Variants in COL6A6 observed in about 807,000 individuals in gnomAD.
COL6A6 encodes the protein collagen type VI alpha 6 chain, also known as collagen alpha-6(VI) chain.
In COL6A6, 183 loss-of-function variants were observed where a neutral mutation model predicts 208.6. That is an observed-to-expected ratio of 0.88 (90% CI 0.78 to 0.99). The LOEUF is 0.99. COL6A6 is among the 50% of genes least tolerant of loss of function. The probability of loss-of-function intolerance (pLI) is 0.00; values close to 1 mark genes in which losing one functional copy is unlikely to be tolerated. For missense variants in COL6A6, 2,816 were observed against 2,815.2 expected (o/e 1.00, Z -0.01); for synonymous variants, 973 against 1,011.8 (o/e 0.96, Z 0.73).
intron 8 of COL6A6, among the ~76,000 whole-genome samples, chr3:130,576,480 G>T (rs1447577253): frequency 1.3e-5 from 2 of 152,066 alleles, no homozygotes; most frequent in Admixed American, 1.3e-4. Flanking sequence ...GATTACCTCG[G>T]CCAAACCTTC....
At chr3:130,584,368 C>A (rs893998014) in intron 10 of COL6A6, among the ~76,000 whole-genome samples, 2 of 151,998 alleles carry the variant, frequency 1.3e-5, no homozygotes, top group Non-Finnish European at 2.9e-5. Context: ...CATTAGCATG[C>A]CTTCTCTTGA....
At chr3:130,527,673 G>T (rs569976898) in intron 1 of COL6A6, among the ~76,000 whole-genome samples, 1 of 152,194 alleles carries the variant, frequency 6.6e-6, no homozygotes, top group South Asian at 2.1e-4. Context: ...TTAATGAACA[G>T]CTGGTAAAAT....
chr3:130,668,665 A>T (rs1265173928), intron 36 of COL6A6, among the ~76,000 whole-genome samples: 1 of 152,156 alleles, frequency 6.6e-6, no homozygotes, highest in Non-Finnish European at 1.5e-5. Context: ...AAAGAGGATG[A>T]CTACATGATG....
intron 1 of COL6A6, among the ~76,000 whole-genome samples, chr3:130,547,811 T>A (rs890402170): frequency 6.6e-6 from 1 of 152,264 alleles, no homozygotes; most frequent in Non-Finnish European, 1.5e-5. Context: ...TATTTATTTA[T>A]TTTTGAGAGG....
At chr3:130,617,634 G>GCATC (rs1409284337) in intron 23 of COL6A6, among the ~76,000 whole-genome samples, 1 of 152,088 alleles carries the variant, frequency 6.6e-6, no homozygotes, top group Non-Finnish European at 1.5e-5. Flanking sequence ...ACCATTTGAT[G>GCATC]GCCTCTTGAT....
chr3:130,519,679 A>G (rs1365956572), intron 1 of COL6A6, among the ~76,000 whole-genome samples: 1 of 152,214 alleles, frequency 6.6e-6, no homozygotes, highest in East Asian at 1.9e-4. Flanking sequence ...GTCACCTGTC[A>G]CATAGGGCAG....
rs1218815808 is a variant in COL6A6 at position 130,654,257 on chromosome 3, T to C, written c.5734-4419T>C. On this transcript the variant is annotated intron_variant, in intron 33 of 36. Transcript: ENST00000358511. ...CTCATCTTTAAATGGTTGCAATAGA[T>C]GACATCATTCCTGATTTCTTCTAGA... 2.6e-5 allele frequency among the ~76,000 whole-genome samples: 4 copies of C among 152,192 alleles called. No individual in the cohort carries two copies. In the East Asian group the frequency reaches 5.8e-4, roughly 22 times the overall value.
chr3:130,531,015 TACACACACAC>T (rs58738761), intron 1 of COL6A6, among the ~76,000 whole-genome samples: 30 of 143,866 alleles, frequency 2.1e-4, no homozygotes, highest in African/African-American at 3.7e-4. Flanking sequence ...CCCCCTCCTC[TACACACACAC>T]ACACACACAC....
At chr3:130,558,017 C>G (rs1275049773) in intron 1 of COL6A6, among the ~76,000 whole-genome samples, 1 of 152,110 alleles carries the variant, frequency 6.6e-6, no homozygotes, top group Non-Finnish European at 1.5e-5. Context: ...GAGACATGTA[C>G]CTTTGAGAGT....
rs759620011 is a variant in COL6A6 at position 130,568,563 on chromosome 3, T to C, written c.2360T>C (p.Ile787Thr). The C allele has an allele frequency of 1.2e-6, 2 of 1,606,536 alleles. No homozygotes were observed. The highest frequency in any genetic ancestry group is 1.7e-4 in the Middle Eastern group (1 of 6,058). ...GAGAATTTTGACATTCTGCAGCGCA[T>C]TGAAGATGATCTTGTTTTTGGAATA... ...YVENFDILQR[I>T]EDDLVFGICS... Residue 787 changes from isoleucine to threonine, a missense_variant, in exon 6 of 37, where the codon ATT (isoleucine) becomes ACT (threonine). Transcript: ENST00000358511.
intron 11 of COL6A6, among the ~76,000 whole-genome samples, chr3:130,588,547 G>A (rs369792661): frequency 3.1e-4 from 47 of 152,280 alleles, no homozygotes; most frequent in African/African-American, 9.6e-4. Flanking sequence ...AATATTGCAC[G>A]TGTAAGTTGT....
rs755131455 is a variant in COL6A6, at chr3:130,581,089, A to G, written c.3548-472A>G. ...CTTTTTAGAAATATAAATCATCAAA[A>G]CCATTCCTTAGATGAGTCCTTTGTG... is the stretch of plus-strand genomic sequence containing the variant. On this transcript the variant is annotated intron_variant, in intron 8 of 36. Transcript: ENST00000358511. Among the ~76,000 whole-genome samples the G allele has an allele frequency of 2.0e-4, 30 of 151,932 alleles. 1 individual carries two copies.
In COL6A6 at chr3:130,563,141, G is replaced by GA; in HGVS notation, c.142dup (p.Met48AsnfsTer26). 6.2e-7 allele frequency: 1 copy of GA among 1,613,984 alleles called. No homozygotes were observed. Among genetic ancestry groups the GA allele is most frequent in the Non-Finnish European group, 8.5e-7 (1 of 1,179,884 alleles). Reference sequence around the variant, plus strand: ...TGGGATCCAAGTCCTTCCCATTTGTGAAAATGTTCATCACCAAAATGATCA... The same window carrying GA: ...TGGGATCCAAGTCCTTCCCATTTGTGAAAAATGTTCATCACCAAAATGATCA... On this transcript the variant is annotated frameshift_variant, in exon 3 of 37. Transcript: ENST00000358511. LOFTEE classifies it high-confidence loss of function.
chr3:130,674,097 G>A (rs1420682817), intron 36 of COL6A6, among the ~76,000 whole-genome samples: 1 of 152,138 alleles, frequency 6.6e-6, no homozygotes, highest in African/African-American at 2.4e-5. Context: ...TCGGCTAGGG[G>A]CTAGAATATT....
chr3:130,586,730 C>G (rs1381508737), intron 11 of COL6A6, 70 bp downstream of exon 11: 3 of 1,417,324 alleles, frequency 2.1e-6, no homozygotes, highest in Non-Finnish European at 2.9e-6. Flanking sequence ...AATACTTATG[C>G]TTAAGAATTT....
intron 11 of COL6A6, among the ~76,000 whole-genome samples, chr3:130,588,747 TAGTC>T (rs1314218961): frequency 2.0e-5 from 3 of 152,212 alleles, no homozygotes; most frequent in East Asian, 3.9e-4. Context: ...GACAATATCA[TAGTC>T]AGTGCTAGAG....
In COL6A6 at chr3:130,567,225, A is replaced by G. The variant is rs773092321; in HGVS notation, c.1806A>G (p.Ile602Met). ...ATGACTTTGATGCATTGAAAGACAT[A>G]AGAAACCAAGTTGTTCAAGAAATCT... is the stretch of plus-strand genomic sequence containing the variant. Reference protein sequence around the residue: ...YVHDFDALKDIRNQVVQEICT... With the variant: ...YVHDFDALKDMRNQVVQEICT... The change falls in exon 5 of 37, where the codon ATA becomes ATG. Residue 602 changes from isoleucine to methionine, a missense_variant. Coordinates refer to ENST00000358511, the MANE Select transcript of COL6A6 (RefSeq NM_001102608.3). The G allele has an allele frequency of 1.9e-6, 3 of 1,612,278 alleles. No homozygotes were observed. Among genetic ancestry groups the G allele is most frequent in the Non-Finnish European group, 2.5e-6 (3 of 1,179,338 alleles).
chr3:130,556,686 C>CT (rs1160381003), intron 1 of COL6A6, among the ~76,000 whole-genome samples: 1 of 151,940 alleles, frequency 6.6e-6, no homozygotes, highest in East Asian at 1.9e-4. Context: ...TAGATTTATT[C>CT]TTTTTTTCTA....
At chr3:130,673,403 A>T (rs2066279794) in intron 36 of COL6A6, among the ~76,000 whole-genome samples, 1 of 151,946 alleles carries the variant, frequency 6.6e-6, no homozygotes, top group Admixed American at 6.6e-5. Context: ...CAAAGATGGG[A>T]AGAAAGGTAA....
Sources: gnomAD v4.1 joint callset for allele counts (sites outside exome capture counted in the v4.1 genomes callset) on GRCh38, gnomAD v4.1.1 for gene constraint, MANE v1.5 for transcripts, NCBI Gene and HGNC (gene_info 2026-07-23, HGNC 2026-07-21) for gene names.